Variants in ASTN2 observed in about 807,000 individuals in gnomAD.
The protein encoded by ASTN2 is astrotactin 2.
A neutral mutation model predicts 139.8 loss-of-function variants in ASTN2; 54 were observed. The observed-to-expected ratio is 0.39, with a 90% CI of 0.31 to 0.48. The LOEUF (loss-of-function observed/expected upper bound fraction) is 0.48, where lower values mean the gene tolerates loss of function less well. ASTN2 is among the 20% of genes least tolerant of loss of function. ASTN2 has a pLI of 0.95. For synonymous variants in ASTN2, 756 were observed against 719.5 expected (o/e 1.05, Z -0.81); for missense variants, 1,565 against 1,725.1 (o/e 0.91, Z 1.64).
chr9:116,659,137 T>A (rs879672021), intron 16 of ASTN2, among the ~76,000 whole-genome samples: 1 of 152,234 alleles, frequency 6.6e-6, no homozygotes, highest in Non-Finnish European at 1.5e-5. Context: ...ATTTGCAGTA[T>A]GAACTGAATC....
chr9:116,989,797 T>C (rs535777956), intron 7 of ASTN2, among the ~76,000 whole-genome samples: 87 of 152,240 alleles, frequency 5.7e-4, no homozygotes, highest in Middle Eastern at 6.8e-3. Flanking sequence ...TTGGCCAGGT[T>C]AGTCTCAAAC....
chr9:116,563,111 C>T (rs1023521658), intron 19 of ASTN2, among the ~76,000 whole-genome samples: 1 of 152,052 alleles, frequency 6.6e-6, no homozygotes, highest in Admixed American at 6.6e-5. Context: ...TGCGGTGGCT[C>T]ACACCTGTAA....
chr9:116,440,237 G>T (rs1000732335), intron 22 of ASTN2, among the ~76,000 whole-genome samples: 1 of 152,164 alleles, frequency 6.6e-6, no homozygotes, highest in Admixed American at 6.5e-5. Flanking sequence ...ATGGAAGACT[G>T]AGAAAGGCCC....
At chr9:116,766,153 T>C (rs895938255) in intron 13 of ASTN2, among the ~76,000 whole-genome samples, 1 of 152,020 alleles carries the variant, frequency 6.6e-6, no homozygotes, top group Non-Finnish European at 1.5e-5. Flanking sequence ...AGGGCAGACA[T>C]CCTATACAAA....
intron 1 of ASTN2, among the ~76,000 whole-genome samples, chr9:117,322,671 G>A (rs899032480): frequency 3.9e-5 from 6 of 152,136 alleles, no homozygotes; most frequent in African/African-American, 1.4e-4. Context: ...GTCTTGGGGA[G>A]GTGCACCTTG....
At chr9:117,211,015 C>T (rs1421729963) in intron 3 of ASTN2, among the ~76,000 whole-genome samples, 2 of 146,526 alleles carry the variant, frequency 1.4e-5, no homozygotes, top group Non-Finnish European at 3.0e-5. Flanking sequence ...TTTTAAATAT[C>T]TCCTCGTGAT....
intron 22 of ASTN2, among the ~76,000 whole-genome samples, chr9:116,433,066 A>G (rs534282230): frequency 6.6e-6 from 1 of 152,326 alleles, no homozygotes; most frequent in Non-Finnish European, 1.5e-5. Flanking sequence ...GAGGTCAATA[A>G]AGGGAATGAA....
intron 10 of ASTN2, among the ~76,000 whole-genome samples, chr9:116,941,851 C>A (rs916092195): frequency 1.3e-5 from 2 of 151,992 alleles, no homozygotes; most frequent in African/African-American, 4.8e-5. Flanking sequence ...AGAGTTGAGA[C>A]TATTGGATCA....
At chr9:117,262,781 G>T (rs1346787950) in intron 2 of ASTN2, among the ~76,000 whole-genome samples, 2 of 152,124 alleles carry the variant, frequency 1.3e-5, no homozygotes, top group Non-Finnish European at 2.9e-5. Context: ...TATCAAGAAG[G>T]ACCTAATGTA....
At chr9:116,935,626 C>G (rs1418405583) in intron 10 of ASTN2, among the ~76,000 whole-genome samples, 1 of 152,212 alleles carries the variant, frequency 6.6e-6, no homozygotes, top group East Asian at 1.9e-4. Context: ...GTCTTGCCAT[C>G]TGGCAGAACA....
intron 2 of ASTN2, among the ~76,000 whole-genome samples, chr9:117,269,699 TC>T (rs1195250610): frequency 6.6e-6 from 1 of 152,176 alleles, no homozygotes; most frequent in Admixed American, 6.5e-5. Context: ...TTTTTAATGC[TC>T]ACAGCAAACA....
At chr9:117,331,274 G>A (rs897392511) in intron 1 of ASTN2, among the ~76,000 whole-genome samples, 4 of 152,092 alleles carry the variant, frequency 2.6e-5, no homozygotes, top group African/African-American at 9.7e-5. Context: ...TAGAGCCCGA[G>A]GTTTCCTGCC....
At chr9:116,962,056 G>A (rs1835888698) in intron 10 of ASTN2, among the ~76,000 whole-genome samples, 1 of 152,240 alleles carries the variant, frequency 6.6e-6, no homozygotes, top group Non-Finnish European at 1.5e-5. Context: ...ATTTGAGGCA[G>A]AGCATTTAGC....
At chr9:117,406,527 G>A (rs1398605711) in intron 1 of ASTN2, among the ~76,000 whole-genome samples, 2 of 151,876 alleles carry the variant, frequency 1.3e-5, no homozygotes, top group African/African-American at 4.8e-5. Flanking sequence ...CAGCCACACC[G>A]ACCTTCATGC....
At chr9:116,466,223 T>A (rs1036545828) in intron 20 of ASTN2, among the ~76,000 whole-genome samples, 2 of 152,132 alleles carry the variant, frequency 1.3e-5, no homozygotes, top group Admixed American at 6.5e-5. Flanking sequence ...TTATGCTGCA[T>A]TCACCTTGAC....
intron 3 of ASTN2, among the ~76,000 whole-genome samples, chr9:117,182,127 C>T (rs545998752): frequency 6.6e-6 from 1 of 152,096 alleles, no homozygotes; most frequent in Admixed American, 6.5e-5. Flanking sequence ...TGATACCAGT[C>T]ATATGGGCTC....
chr9:116,961,000 G>A (rs1835860520), intron 10 of ASTN2, among the ~76,000 whole-genome samples: 1 of 127,676 alleles, frequency 7.8e-6, no homozygotes, highest in African/African-American at 3.0e-5. Flanking sequence ...GGAGACTGCA[G>A]GGCTGAAAGA....
At chr9:117,081,590 G>A (rs1828429836) in intron 5 of ASTN2, among the ~76,000 whole-genome samples, 1 of 152,174 alleles carries the variant, frequency 6.6e-6, no homozygotes, top group South Asian at 2.1e-4. Flanking sequence ...TTTTTCAAAT[G>A]TACTAAAGGT....
chr9:116,872,176 C>A (rs1833184793), intron 10 of ASTN2, among the ~76,000 whole-genome samples: 1 of 152,124 alleles, frequency 6.6e-6, no homozygotes, highest in African/African-American at 2.4e-5. Flanking sequence ...GTTGGCTAGG[C>A]TGGTTTTGAA....
Sources: allele counts gnomAD v4.1 joint callset (sites outside exome capture counted in the v4.1 genomes callset), GRCh38; gene constraint gnomAD v4.1.1; transcripts MANE v1.5; gene names NCBI Gene and HGNC (gene_info 2026-07-23, HGNC 2026-07-21).